Variants in CNTN4 observed in about 807,000 individuals in gnomAD.
CNTN4 encodes contactin 4, also known as contactin-4.
Under a neutral mutation model 122.5 loss-of-function variants are expected in CNTN4, and 77 were observed. The observed-to-expected ratio is 0.63, with a 90% CI of 0.52 to 0.76. The LOEUF (loss-of-function observed/expected upper bound fraction) is 0.76, where lower values mean the gene tolerates loss of function less well. CNTN4 is among the 30% of genes least tolerant of loss of function. The pLI is 0.00. For synonymous variants in CNTN4, 512 were observed against 447.0 expected, an observed-to-expected ratio of 1.15 and a Z score of -1.83; for missense variants, 1,256 against 1,259.1, an observed-to-expected ratio of 1.00 and a Z score of 0.04.
intron 6 of CNTN4, among the ~76,000 whole-genome samples, chr3:2,782,465 C>CTGGGTGTG (rs1421037064): frequency 1.5e-5 from 2 of 133,212 alleles, no homozygotes; most frequent in African/African-American, 5.7e-5. Context: ...CCTTCTTATT[C>CTGGGTGTG]TGTGTGTGTG....
At chr3:2,845,519 C>T (rs963437941) in intron 7 of CNTN4, among the ~76,000 whole-genome samples, 3 of 152,078 alleles carry the variant, frequency 2.0e-5, no homozygotes, top group Non-Finnish European at 4.4e-5. Flanking sequence ...ATACATATGG[C>T]ATTACTTTAT....
chr3:2,825,475 G>T (rs1014192915), intron 7 of CNTN4, among the ~76,000 whole-genome samples: 2 of 152,098 alleles, frequency 1.3e-5, no homozygotes, highest in African/African-American at 4.8e-5. Context: ...ACCCGCTTCA[G>T]CCTCCCAAAG....
intron 6 of CNTN4, among the ~76,000 whole-genome samples, chr3:2,817,723 G>GA (rs2150221893): frequency 6.6e-6 from 1 of 152,212 alleles, no homozygotes; most frequent in East Asian, 1.9e-4. Flanking sequence ...TGCAACTCTG[G>GA]AAATTGAATG....
In CNTN4 at chr3:2,930,853, A is replaced by G. The variant is rs373363603; in HGVS notation, c.1358+5074A>G. ...TAGCTAGCCCTCACGGTGCTCATAG[A>G]CTAGCGCAGAGGCCCAGTAGCACAA... On this transcript the variant is annotated intron_variant, in intron 13 of 24. Transcript: ENST00000418658. Among the ~76,000 whole-genome samples the G allele has an allele frequency of 5.9e-5, 9 of 152,322 alleles. 1 individual carries two copies. Among genetic ancestry groups the G allele is most frequent in the East Asian group, 3.9e-4 (2 of 5,192 alleles).
At chr3:2,219,717 T>G (rs2038986985) in intron 2 of CNTN4, among the ~76,000 whole-genome samples, 1 of 151,734 alleles carries the variant, frequency 6.6e-6, no homozygotes, top group South Asian at 2.1e-4. Context: ...TTTATTTACT[T>G]AGAACTCATA....
intron 2 of CNTN4, among the ~76,000 whole-genome samples, chr3:2,261,649 C>T (rs1003240996): frequency 6.6e-6 from 1 of 152,170 alleles, no homozygotes; most frequent in Non-Finnish European, 1.5e-5. Context: ...TGCAGAATTT[C>T]AGTTTGAAAC....
chr3:2,307,396 C>G (rs2042751059), intron 2 of CNTN4, among the ~76,000 whole-genome samples: 1 of 150,942 alleles, frequency 6.6e-6, no homozygotes, highest in Non-Finnish European at 1.5e-5. Context: ...GATTGTGCCA[C>G]TGCACTCTAG....
intron 4 of CNTN4, among the ~76,000 whole-genome samples, chr3:2,693,355 C>A (rs181665763): frequency 2.6e-5 from 4 of 152,198 alleles, no homozygotes; most frequent in Non-Finnish European, 4.4e-5. Flanking sequence ...GTCTTAGTTG[C>A]TTTAAATCAA....
At chr3:2,904,758 T>G (rs2094211076) in intron 12 of CNTN4, among the ~76,000 whole-genome samples, 1 of 152,208 alleles carries the variant, frequency 6.6e-6, no homozygotes, top group Non-Finnish European at 1.5e-5. Flanking sequence ...AAGTGTGTTC[T>G]CTACTCTACT....
At chr3:2,290,941 CAT>C (rs1575283167) in intron 2 of CNTN4, among the ~76,000 whole-genome samples, 1 of 152,238 alleles carries the variant, frequency 6.6e-6, no homozygotes, top group African/African-American at 2.4e-5. Context: ...TTTAAAATGA[CAT>C]GTGAAAGCCT....
At chr3:2,499,854 A>T (rs916512410) in intron 3 of CNTN4, among the ~76,000 whole-genome samples, 5 of 152,014 alleles carry the variant, frequency 3.3e-5, no homozygotes, top group African/African-American at 1.2e-4. Flanking sequence ...TGACCCTTCC[A>T]GTTCATGAAC....
intron 2 of CNTN4, among the ~76,000 whole-genome samples, chr3:2,293,255 G>A (rs2042195750): frequency 6.6e-6 from 1 of 152,120 alleles, no homozygotes; most frequent in Non-Finnish European, 1.5e-5. Context: ...TGCTATTCAT[G>A]GAAAAACGGG....
chr3:2,898,389 C>G (rs1188875712), intron 10 of CNTN4, among the ~76,000 whole-genome samples: 1 of 152,122 alleles, frequency 6.6e-6, no homozygotes, highest in Admixed American at 6.6e-5. Flanking sequence ...CACCTTGGCC[C>G]GCACAAATAA....
At chr3:3,048,570 C>T (rs573192215) in intron 23 of CNTN4, among the ~76,000 whole-genome samples, 45 of 149,904 alleles carry the variant, frequency 3.0e-4, no homozygotes, top group African/African-American at 1.1e-3. Flanking sequence ...ATGTGTGGTA[C>T]CTCCCGTGAT....
intron 2 of CNTN4, among the ~76,000 whole-genome samples, chr3:2,206,133 A>C (rs1338783266): frequency 6.6e-6 from 1 of 152,030 alleles, no homozygotes; most frequent in Non-Finnish European, 1.5e-5. Flanking sequence ...TCTATTTCTT[A>C]CCAAGTAAAT....
chr3:2,450,786 C>A (rs7637317), intron 3 of CNTN4, among the ~76,000 whole-genome samples: 1 of 152,180 alleles, frequency 6.6e-6, no homozygotes, highest in African/African-American at 2.4e-5. Context: ...GAAGAGTCAA[C>A]CTGACTCAAC....
At chr3:2,388,945 G>A (rs1175314630) in intron 3 of CNTN4, among the ~76,000 whole-genome samples, 1 of 151,986 alleles carries the variant, frequency 6.6e-6, no homozygotes, top group Non-Finnish European at 1.5e-5. Flanking sequence ...ATCACCTAAG[G>A]TCAGGAGTTC....
intron 2 of CNTN4, among the ~76,000 whole-genome samples, chr3:2,149,919 G>C (rs991160697): frequency 6.6e-6 from 1 of 150,706 alleles, no homozygotes; most frequent in African/African-American, 2.4e-5. Context: ...TTGTCAGGCA[G>C]ACCTTTGCGT....
In CNTN4 at chr3:2,633,864, G is replaced by A. The variant is rs376585596; in HGVS notation, c.55+62306G>A. Among the ~76,000 whole-genome samples, 24 of 152,210 alleles carry A rather than the reference G, an allele frequency of 1.6e-4. No homozygotes were observed. In the South Asian group the frequency reaches 5.0e-3, roughly 32 times the overall value. Reference sequence around the variant, plus strand: ...TTGTCAGGAAATAAAAGGAAGAAATGGGATACTGAGAGTAAAGTAGTATAG... The same window carrying A: ...TTGTCAGGAAATAAAAGGAAGAAATAGGATACTGAGAGTAAAGTAGTATAG... On this transcript the variant is annotated intron_variant, in intron 4 of 24. Coordinates refer to ENST00000418658, the MANE Select transcript of CNTN4 (RefSeq NM_175607.3).
Sources: gnomAD v4.1 joint callset for allele counts (sites outside exome capture counted in the v4.1 genomes callset) on GRCh38, gnomAD v4.1.1 for gene constraint, MANE v1.5 for transcripts, NCBI Gene and HGNC (gene_info 2026-07-23, HGNC 2026-07-21) for gene names.